The following PPAT variants were observed in gnomAD, a reference collection of about 807,000 sequenced individuals.
PPAT encodes phosphoribosyl pyrophosphate amidotransferase, also known as amidophosphoribosyltransferase.
A neutral mutation model predicts 60.2 loss-of-function variants in PPAT; 20 were observed. The ratio of observed to expected loss-of-function variants is 0.33; its 90% CI spans 0.23 to 0.48. The LOEUF (loss-of-function observed/expected upper bound fraction) is 0.48. PPAT is among the 20% of genes least tolerant of loss of function. PPAT has a pLI of 0.99. For synonymous variants in PPAT, 194 were observed against 215.1 expected, an observed-to-expected ratio of 0.90 and a Z score of 0.86; for missense variants, 349 against 629.6, an observed-to-expected ratio of 0.55 and a Z score of 4.77.
rs1207160039 is a variant in PPAT at position 56,417,835 on chromosome 4, G to GTTTTTTTT, written c.129-10120_129-10119insAAAAAAAA. Among the ~76,000 whole-genome samples, 65 of 102,552 alleles carry GTTTTTTTT rather than the reference G, an allele frequency of 6.3e-4. 1 individual carries two copies. The highest frequency in any genetic ancestry group is 2.2e-3 in the African/African-American group (63 of 28,738). The allele number at this position is 102,552 out of a possible 152,430, so 67.3% of individuals were successfully genotyped here. A position where few individuals can be genotyped will look rare whatever the true frequency, so the allele number is the denominator to read the frequency against. On this transcript the variant is annotated intron_variant, in intron 1 of 10. Coordinates refer to ENST00000264220, the MANE Select transcript of PPAT (RefSeq NM_002703.5). ...ATCTTCGGTATAATTTGAAGATTTG[G>GTTTTTTTT]TTTTTTGTTTTTTTTTTTTTTTTTG...
chr4:56,401,294 T>C (rs1455259987), intron 7 of PPAT, 36 bp downstream of exon 7: 1 of 1,529,208 alleles, frequency 6.5e-7, no homozygotes, highest in Non-Finnish European at 8.8e-7. Context: ...AGCTAAAACA[T>C]TTATATGAAT....
chr4:56,418,042 T>C (rs1716859448), intron 1 of PPAT, among the ~76,000 whole-genome samples: 1 of 152,142 alleles, frequency 6.6e-6, no homozygotes, highest in Non-Finnish European at 1.5e-5. Flanking sequence ...TTTCACCATG[T>C]TGGCCAGGAT....
At chr4:56,415,031 T>C (rs757940253) in intron 1 of PPAT, among the ~76,000 whole-genome samples, 20 of 152,316 alleles carry the variant, frequency 1.3e-4, no homozygotes, top group Middle Eastern at 6.8e-3. Flanking sequence ...TATTTTAACA[T>C]AGAAACCCTA....
At chr4:56,427,680 A>G (rs1037669286) in intron 1 of PPAT, among the ~76,000 whole-genome samples, 6 of 151,688 alleles carry the variant, frequency 4.0e-5, no homozygotes, top group African/African-American at 1.5e-4. Context: ...CTGAAAAATT[A>G]TTCAGAATTA....
chr4:56,418,849 C>T (rs959781571), intron 1 of PPAT, among the ~76,000 whole-genome samples: 1 of 152,206 alleles, frequency 6.6e-6, no homozygotes, highest in Admixed American at 6.5e-5. Context: ...AGACCTAATA[C>T]ACACCATGGC....
intron 7 of PPAT, among the ~76,000 whole-genome samples, 179 bp from the exon 8 acceptor site, chr4:56,401,090 A>T (rs1007428395): frequency 6.6e-6 from 1 of 152,204 alleles, no homozygotes; most frequent in Admixed American, 6.6e-5. Context: ...TTAAAAAAAA[A>T]ATCGACCTTC....
chr4:56,402,525 G>A (rs868849341), intron 5 of PPAT, among the ~76,000 whole-genome samples: 1 of 151,968 alleles, frequency 6.6e-6, no homozygotes, highest in African/African-American at 2.4e-5. Context: ...ACATTAAAAG[G>A]GATTCATCCA....
At chr4:56,412,100 C>T (rs954529786) in intron 1 of PPAT, among the ~76,000 whole-genome samples, 16 of 152,178 alleles carry the variant, frequency 1.1e-4, no homozygotes, top group African/African-American at 3.9e-4. Context: ...TGAAAGTCCC[C>T]GATTTTAACC....
chr4:56,409,312 T>C (rs1031292690), intron 1 of PPAT, among the ~76,000 whole-genome samples: 7 of 152,228 alleles, frequency 4.6e-5, no homozygotes, highest in African/African-American at 1.4e-4. Context: ...CTACTCTTTA[T>C]AACCCCTAAA....
chr4:56,414,294 T>G (rs1162385776), intron 1 of PPAT: 1 of 152,256 alleles, frequency 6.6e-6, no homozygotes, highest in African/African-American at 2.4e-5. Context: ...TTTTCCACTG[T>G]TGGGATCAAC....
chr4:56,412,345 G>A (rs1006294723), intron 1 of PPAT, among the ~76,000 whole-genome samples: 11 of 145,616 alleles, frequency 7.6e-5, no homozygotes, highest in African/African-American at 2.8e-4. Flanking sequence ...TTTCACTCCT[G>A]TCACCCAAGC....
At chr4:56,434,748 T>C (rs1319829844) in intron 1 of PPAT, among the ~76,000 whole-genome samples, 1 of 152,122 alleles carries the variant, frequency 6.6e-6, no homozygotes, top group Non-Finnish European at 1.5e-5. Context: ...TTAATTTATG[T>C]GAGATCTACT....
chr4:56,433,438 T>A (rs1717713682), intron 1 of PPAT, among the ~76,000 whole-genome samples: 2 of 134,618 alleles, frequency 1.5e-5, no homozygotes, highest in South Asian at 2.4e-4. Context: ...TAACCATGAA[T>A]ACCAAGTATT....
intron 1 of PPAT, among the ~76,000 whole-genome samples, chr4:56,415,163 G>C (rs1432948469): frequency 6.6e-6 from 1 of 152,080 alleles, no homozygotes; most frequent in East Asian, 1.9e-4. Flanking sequence ...ACACCTAAAA[G>C]TTGATATATT....
intron 1 of PPAT, among the ~76,000 whole-genome samples, chr4:56,427,630 G>A (rs1287583627): frequency 1.4e-4 from 19 of 139,490 alleles, no homozygotes; most frequent in Non-Finnish European, 2.6e-4. Context: ...AACATAGTGA[G>A]ACCCTGTCTC....
chr4:56,419,882 C>T (rs1339643289), intron 1 of PPAT: 8 of 984,362 alleles, frequency 8.1e-6, no homozygotes, highest in East Asian at 1.1e-4. Flanking sequence ...AATACAAGAT[C>T]GTAAGAACAG....
chr4:56,428,026 G>A (rs1717384765), intron 1 of PPAT, among the ~76,000 whole-genome samples: 1 of 152,172 alleles, frequency 6.6e-6, no homozygotes, highest in African/African-American at 2.4e-5. Context: ...GATCACCTAT[G>A]ATGAAAAGCA....
At chr4:56,397,660 CTT>C (rs1166514630) in intron 9 of PPAT, among the ~76,000 whole-genome samples, 12 of 152,012 alleles carry the variant, frequency 7.9e-5, no homozygotes, top group Admixed American at 2.0e-4. Context: ...CTTAAAATAA[CTT>C]AATATATCTA....
chr4:56,408,514 C>T lies in PPAT; in HGVS notation c.129-798G>A, dbSNP rs1354786417. 1.7e-4 allele frequency among the ~76,000 whole-genome samples: 25 copies of T among 149,966 alleles called. No homozygotes were observed. The East Asian group carries it at 4.9e-3, about 29-fold the overall frequency. On this transcript the variant is annotated intron_variant, in intron 1 of 10. Transcript: ENST00000264220. ...GATGAGCTTTGTTAAAGATTAACTCCTAGGTGGAGGCGGGTGGACCACGAG... is the reference window on the plus strand; with the variant it reads ...GATGAGCTTTGTTAAAGATTAACTCTTAGGTGGAGGCGGGTGGACCACGAG...
Sources: gnomAD v4.1 joint callset for allele counts (sites outside exome capture counted in the v4.1 genomes callset) on GRCh38, gnomAD v4.1.1 for gene constraint, MANE v1.5 for transcripts, NCBI Gene and HGNC (gene_info 2026-07-23, HGNC 2026-07-21) for gene names.